Variants in SEMA3E observed in about 807,000 individuals in gnomAD.
The protein encoded by SEMA3E is semaphorin 3E.
SEMA3E carries 49 observed loss-of-function variants against 93.6 expected under a neutral mutation model. The observed-to-expected ratio is 0.52, with a 90% CI of 0.42 to 0.66. The LOEUF (loss-of-function observed/expected upper bound fraction) is 0.66, where lower values mean the gene tolerates loss of function less well. Ranked by LOEUF, SEMA3E falls within the 30% of genes least tolerant of loss-of-function variation. The pLI is 0.00. For synonymous variants in SEMA3E, 363 were observed against 330.7 expected (o/e 1.10, Z -1.06); for missense variants, 906 against 964.8 (o/e 0.94, Z 0.81).
At chr7:83,515,593 T>C (rs2713139) in intron 1 of SEMA3E, among the ~76,000 whole-genome samples, 28,767 of 152,092 alleles carry the variant, frequency 0.19, 2,949 homozygotes, top group African/African-American at 0.29. Flanking sequence ...ATTTGCTTAA[T>C]CCTTAGAGTT....
chr7:83,422,068 T>A (rs908312903), intron 4 of SEMA3E, among the ~76,000 whole-genome samples: 5 of 152,080 alleles, frequency 3.3e-5, no homozygotes, highest in African/African-American at 1.2e-4. Flanking sequence ...TCCCAGCTAC[T>A]TGGGAGGCTG....
At chr7:83,386,919 G>T in intron 15 of SEMA3E, 64 bp downstream of exon 15, 6 of 1,391,028 alleles carry the variant, frequency 4.3e-6, no homozygotes, top group Non-Finnish European at 6.1e-6. Context: ...TTTTTAAGAA[G>T]TTTGTAGTTT....
chr7:83,582,628 C>G (rs56022245), intron 1 of SEMA3E, among the ~76,000 whole-genome samples: 41,358 of 151,938 alleles, frequency 0.27, 6,166 homozygotes, highest in East Asian at 0.4. Context: ...AAATAATGAC[C>G]AATATTTTAT....
chr7:83,564,770 A>G (rs1006801475), intron 1 of SEMA3E, among the ~76,000 whole-genome samples: 1 of 152,188 alleles, frequency 6.6e-6, no homozygotes, highest in African/African-American at 2.4e-5. Context: ...TTGTAATAGG[A>G]AAGATGACAA....
intron 4 of SEMA3E, among the ~76,000 whole-genome samples, chr7:83,455,105 A>G (rs1303080731): frequency 6.6e-6 from 1 of 152,254 alleles, no homozygotes; most frequent in East Asian, 1.9e-4. Context: ...AAAATCACAG[A>G]GTACATTGTT....
At chr7:83,532,267 T>A (rs1479544728) in intron 1 of SEMA3E, among the ~76,000 whole-genome samples, 1 of 152,220 alleles carries the variant, frequency 6.6e-6, no homozygotes, top group African/African-American at 2.4e-5. Context: ...TCTGGAGAGA[T>A]AATTGGCAGA....
At chr7:83,434,847 G>A (rs1027589654) in intron 4 of SEMA3E, among the ~76,000 whole-genome samples, 1 of 149,818 alleles carries the variant, frequency 6.7e-6, no homozygotes, top group Non-Finnish European at 1.5e-5. Context: ...CCAAGTAGCT[G>A]GGACTACAGG....
intron 1 of SEMA3E, among the ~76,000 whole-genome samples, chr7:83,516,387 T>C (rs2115668311): frequency 6.6e-6 from 1 of 152,316 alleles, no homozygotes; most frequent in South Asian, 2.1e-4. Flanking sequence ...CCTCTACTTT[T>C]TCAGGTTACT....
At chr7:83,492,418 T>C (rs554944292) in intron 1 of SEMA3E, among the ~76,000 whole-genome samples, 1 of 152,128 alleles carries the variant, frequency 6.6e-6, no homozygotes, top group East Asian at 1.9e-4. Context: ...ACTTACCAAT[T>C]TGCCTACTTT....
chr7:83,512,212 G>C (rs1790839714), intron 1 of SEMA3E, among the ~76,000 whole-genome samples: 1 of 152,132 alleles, frequency 6.6e-6, no homozygotes, highest in Non-Finnish European at 1.5e-5. Flanking sequence ...TGTCTAGAAA[G>C]TGTGCTTGCT....
intron 5 of SEMA3E, 88 bp downstream of exon 5, chr7:83,418,302 G>C (rs1465018624): frequency 1.1e-6 from 1 of 938,746 alleles, no homozygotes; most frequent in Admixed American, 2.0e-5. Context: ...AGTATGTAAA[G>C]AAATGCTGAA....
chr7:83,454,082 A>C (rs56856396), intron 4 of SEMA3E, among the ~76,000 whole-genome samples: 16,407 of 150,212 alleles, frequency 0.11, 1,019 homozygotes, highest in Non-Finnish European at 0.14. Flanking sequence ...CACGGTGAAA[A>C]CCCGTCTCTA....
intron 1 of SEMA3E, among the ~76,000 whole-genome samples, chr7:83,583,867 C>T (rs959439285): frequency 3.3e-5 from 5 of 152,040 alleles, no homozygotes; most frequent in African/African-American, 9.7e-5. Context: ...CTGCCACAGC[C>T]GACCTGTGAC....
At chr7:83,436,055 G>C (rs1788998078) in intron 4 of SEMA3E, among the ~76,000 whole-genome samples, 1 of 151,948 alleles carries the variant, frequency 6.6e-6, no homozygotes, top group African/African-American at 2.4e-5. Flanking sequence ...TTGTTTATGT[G>C]GGGACCATAA....
In SEMA3E at chr7:83,546,771, G is replaced by T. The variant is rs1226979125; in HGVS notation, c.116-56497C>A. Among the ~76,000 whole-genome samples the T allele has an allele frequency of 2.0e-5, 3 of 152,018 alleles. No homozygotes were observed. The East Asian group carries it at 5.8e-4, about 29-fold the overall frequency. The stretch of plus-strand genomic sequence containing the variant: ...AAATAAATTAATGATGAGTAACACA[G>T]TGCACGTTCAAGTTATGAGTGTACG... On this transcript the variant is annotated intron_variant, in intron 1 of 16. Transcript: ENST00000643230.
intron 2 of SEMA3E, among the ~76,000 whole-genome samples, chr7:83,475,200 T>C (rs1789985152): frequency 6.6e-6 from 1 of 152,096 alleles, no homozygotes; most frequent in South Asian, 2.1e-4. Context: ...TCATTTTTCA[T>C]TATTATGTAA....
At chr7:83,497,529 C>T (rs1437049486) in intron 1 of SEMA3E, among the ~76,000 whole-genome samples, 2 of 151,982 alleles carry the variant, frequency 1.3e-5, no homozygotes, top group African/African-American at 4.8e-5. Context: ...TGGAAATAGC[C>T]ATTAGAAATT....
At chr7:83,403,541 A>AT (rs964454458) in intron 9 of SEMA3E, among the ~76,000 whole-genome samples, 20 of 152,064 alleles carry the variant, frequency 1.3e-4, no homozygotes, top group Admixed American at 2.6e-4. Context: ...ATTTTTAAAG[A>AT]TTTTTTTAAA....
chr7:83,641,781 T>C (rs1413117427), intron 1 of SEMA3E, among the ~76,000 whole-genome samples: 1 of 152,130 alleles, frequency 6.6e-6, no homozygotes, highest in Non-Finnish European at 1.5e-5. Flanking sequence ...GCTTTTAGAA[T>C]AAAAAAGAGA....
Sources: allele counts gnomAD v4.1 joint callset (sites outside exome capture counted in the v4.1 genomes callset), GRCh38; gene constraint gnomAD v4.1.1; transcripts MANE v1.5; gene names NCBI Gene and HGNC (gene_info 2026-07-23, HGNC 2026-07-21).